Variants in GARIN2 observed in about 807,000 individuals in gnomAD.
The protein encoded by GARIN2 is golgi associated RAB2 interactor family member 2, also known as Golgi-associated RAB2 interactor protein 2.
the GARIN2 span, chr14:67,204,609 G>A: frequency 1.2e-6 from 2 of 1,613,794 alleles, no homozygotes; most frequent in Non-Finnish European, 1.7e-6. Flanking sequence ...TAAAGCTGGT[G>A]AGTGGTCGAG....
At chr14:67,223,028 C>G in the GARIN2 span, among the ~76,000 whole-genome samples, 7 of 114,392 alleles carry the variant, frequency 6.1e-5, 1 homozygote, top group East Asian at 2.0e-3. Context: ...GAGATGGGGT[C>G]TCCCTCTTTC....
the GARIN2 span, chr14:67,201,666 T>C: frequency 2.6e-6 from 1 of 386,034 alleles, no homozygotes; most frequent in Non-Finnish European, 5.2e-6. Context: ...ATTTAATCCC[T>C]GAGCTGGGTC....
the GARIN2 span, among the ~76,000 whole-genome samples, chr14:67,225,460 G>A: frequency 6.6e-6 from 1 of 152,166 alleles, no homozygotes; most frequent in Non-Finnish European, 1.5e-5. Flanking sequence ...GATAACATCA[G>A]CACAGGGAGG....
chr14:67,202,269 C>T, the GARIN2 span, among the ~76,000 whole-genome samples: 1 of 152,250 alleles, frequency 6.6e-6, no homozygotes, highest in African/African-American at 2.4e-5. Flanking sequence ...GGTGAAGCCC[C>T]GTCTCTCCTA....
At chr14:67,200,274 C>A in the GARIN2 span, 1 of 758,286 alleles carries the variant, frequency 1.3e-6, no homozygotes, top group East Asian at 2.9e-5. Context: ...CAGGCCCACT[C>A]CCCAGCCACC....
chr14:67,223,488 T>C, the GARIN2 span, among the ~76,000 whole-genome samples: 1 of 152,222 alleles, frequency 6.6e-6, no homozygotes, highest in Non-Finnish European at 1.5e-5. Context: ...TGAGCTGCCA[T>C]GTTTGTAGTC....
the GARIN2 span, chr14:67,225,205 G>A: frequency 6.5e-7 from 1 of 1,542,248 alleles, no homozygotes; most frequent in South Asian, 1.3e-5. Flanking sequence ...TGAATGTGAG[G>A]AAAGAAAAGT....
At chr14:67,214,409 T>C in the GARIN2 span, among the ~76,000 whole-genome samples, 1 of 152,216 alleles carries the variant, frequency 6.6e-6, no homozygotes, top group African/African-American at 2.4e-5. Flanking sequence ...CCAGCACCGT[T>C]TATTAAATAG....
chr14:67,189,493 A>C, the GARIN2 span: 1 of 152,332 alleles, frequency 6.6e-6, no homozygotes, highest in Non-Finnish European at 1.5e-5. Context: ...AAAAGAGTGG[A>C]AACGTGCTAT....
the GARIN2 span, among the ~76,000 whole-genome samples, chr14:67,215,730 C>A: frequency 6.6e-6 from 1 of 151,936 alleles, no homozygotes; most frequent in Non-Finnish European, 1.5e-5. Context: ...TAAATGAATC[C>A]ATCCAACTTA....
the GARIN2 span, chr14:67,203,248 A>C: frequency 6.2e-7 from 1 of 1,609,590 alleles, no homozygotes; most frequent in Non-Finnish European, 8.5e-7. Context: ...ACCCTGTTTA[A>C]AAGTCTCCTG....
At chr14:67,224,910 T>A in the GARIN2 span, 1 of 437,280 alleles carries the variant, frequency 2.3e-6, no homozygotes, top group Admixed American at 4.3e-5. Context: ...GGGAACCTGC[T>A]TGTGAAATTC....
At chr14:67,210,678 G>A in the GARIN2 span, among the ~76,000 whole-genome samples, 4 of 151,604 alleles carry the variant, frequency 2.6e-5, no homozygotes, top group East Asian at 7.7e-4. Flanking sequence ...ATTGAATCTA[G>A]GATGCATTCA....
chr14:67,226,884 G>A, the GARIN2 span, among the ~76,000 whole-genome samples: 2 of 152,124 alleles, frequency 1.3e-5, no homozygotes, highest in Non-Finnish European at 2.9e-5. Flanking sequence ...TGGAGACAGC[G>A]ATGGGTGGCA....
chr14:67,193,964 A>C, the GARIN2 span, among the ~76,000 whole-genome samples: 1 of 147,164 alleles, frequency 6.8e-6, no homozygotes, highest in Non-Finnish European at 1.5e-5. Flanking sequence ...CAAAAAAAAA[A>C]CGAAAAACAA....
At chr14:67,195,282 C>A in the GARIN2 span, among the ~76,000 whole-genome samples, 1 of 152,136 alleles carries the variant, frequency 6.6e-6, no homozygotes, top group South Asian at 2.1e-4. Flanking sequence ...TGCAAATATC[C>A]TTGAATTCCT....
At chr14:67,200,047 G>A in the GARIN2 span, 1 of 932,070 alleles carries the variant, frequency 1.1e-6, no homozygotes, top group Non-Finnish European at 1.6e-6. Flanking sequence ...CCCAGGCTCT[G>A]GGGGACAGCC....
the GARIN2 span, among the ~76,000 whole-genome samples, chr14:67,193,972 C>CA: frequency 0.012 from 1,112 of 95,218 alleles, 9 homozygotes; most frequent in African/African-American, 0.037. Flanking sequence ...AAACGAAAAA[C>CA]AAAAAAAAAA....
the GARIN2 span, chr14:67,198,194 G>A: frequency 1.9e-6 from 3 of 1,613,668 alleles, no homozygotes; most frequent in Non-Finnish European, 2.5e-6. Context: ...CTACCATGAG[G>A]ATCAATAAGC....
Sources: gnomAD v4.1 joint callset for allele counts (sites outside exome capture counted in the v4.1 genomes callset) on GRCh38, gnomAD v4.1.1 for gene constraint, MANE v1.5 for transcripts, NCBI Gene and HGNC (gene_info 2026-07-23, HGNC 2026-07-21) for gene names.